Variants in LRP1B observed in about 807,000 individuals in gnomAD.
LRP1B encodes LDL receptor related protein 1B, also known as low-density lipoprotein receptor-related protein 1B.
LRP1B carries 217 observed loss-of-function variants against 556.6 expected under a neutral mutation model. The ratio of observed to expected loss-of-function variants is 0.39; its 90% confidence interval spans 0.35 to 0.44. LRP1B has a LOEUF of 0.44. LRP1B is among the 20% of genes least tolerant of loss of function. The pLI is 1.00. For synonymous variants in LRP1B, 2,047 were observed against 1,865.8 expected (o/e 1.10, Z -2.50); for missense variants, 5,053 against 5,620.8 (o/e 0.90, Z 3.23).
Position 140,997,691 on chromosome 2 carries a change from ATTTG to A in LRP1B, c.2504-3560_2504-3557del, listed in dbSNP as rs922265774. On this transcript the variant is annotated intron_variant, in intron 15 of 90. Transcript: ENST00000389484. Reference sequence around the variant, plus strand: ...TTCTGCTTATCTAATATTGAGAAATATTTGTTTGTTTATTTCTTCATTTTGGGCA... The same window carrying A: ...TTCTGCTTATCTAATATTGAGAAATATTTGTTTATTTCTTCATTTTGGGCA... Among the ~76,000 whole-genome samples the A allele has an allele frequency of 4.8e-4, 73 of 152,076 alleles. 1 individual carries two copies. The highest frequency in any genetic ancestry group is 1.4e-3 in the African/African-American group (59 of 41,542).
chr2:140,532,825 ACT>A (rs1037110613), intron 47 of LRP1B, among the ~76,000 whole-genome samples: 2 of 151,536 alleles, frequency 1.3e-5, no homozygotes, highest in African/African-American at 4.9e-5. Flanking sequence ...TTAGTTTAAG[ACT>A]CAGTTTAAAT....
intron 3 of LRP1B, among the ~76,000 whole-genome samples, chr2:141,255,545 A>G (rs1684428720): frequency 6.6e-6 from 1 of 152,110 alleles, no homozygotes; most frequent in South Asian, 2.1e-4. Context: ...AACATTGGGT[A>G]TTGTATTATA....
chr2:141,066,194 GTTCT>G, intron 7 of LRP1B, among the ~76,000 whole-genome samples: 1 of 151,946 alleles, frequency 6.6e-6, no homozygotes, highest in African/African-American at 2.4e-5. Flanking sequence ...TATTCATCCT[GTTCT>G]TTATTTTCAT....
chr2:141,113,197 C>A (rs1447936862), intron 7 of LRP1B, among the ~76,000 whole-genome samples: 4 of 152,046 alleles, frequency 2.6e-5, no homozygotes, highest in Non-Finnish European at 5.9e-5. Context: ...AAATAGGAAG[C>A]AAGAAATTGC....
At chr2:141,900,694 A>T (rs1248609919) in intron 1 of LRP1B, among the ~76,000 whole-genome samples, 1 of 152,048 alleles carries the variant, frequency 6.6e-6, no homozygotes, top group Non-Finnish European at 1.5e-5. Context: ...CAAATTAAAG[A>T]TTCTTCAATT....
chr2:140,954,411 TATA>T (rs1695813883), intron 18 of LRP1B, among the ~76,000 whole-genome samples: 2 of 152,104 alleles, frequency 1.3e-5, no homozygotes, highest in Admixed American at 1.3e-4. Flanking sequence ...TTTTTGACTC[TATA>T]ATAAGCTAAT....
chr2:140,594,624 A>G (rs2105176614), intron 43 of LRP1B, among the ~76,000 whole-genome samples: 1 of 152,314 alleles, frequency 6.6e-6, no homozygotes, highest in African/African-American at 2.4e-5. Flanking sequence ...TTCTCATTAA[A>G]GATACACTGT....
intron 3 of LRP1B, among the ~76,000 whole-genome samples, chr2:141,319,038 A>G (rs17602785): frequency 0.079 from 12,041 of 152,140 alleles, 499 homozygotes; most frequent in South Asian, 0.12. Flanking sequence ...AAGTCTTCCA[A>G]TTGTAAGAGA....
intron 7 of LRP1B, among the ~76,000 whole-genome samples, chr2:141,081,690 C>T (rs1330871314): frequency 1.1e-5 from 1 of 87,356 alleles, no homozygotes; most frequent in Non-Finnish European, 2.5e-5. Context: ...AGCCAATAAA[C>T]TCTATTAATA....
At chr2:140,373,423 T>C (rs977304772) in intron 68 of LRP1B, among the ~76,000 whole-genome samples, 3 of 152,082 alleles carry the variant, frequency 2.0e-5, no homozygotes, top group Non-Finnish European at 4.4e-5. Context: ...CCCATGAATA[T>C]ACAACAGAAT....
At chr2:141,044,811 C>T (rs1320473906) in intron 11 of LRP1B, among the ~76,000 whole-genome samples, 1 of 150,100 alleles carries the variant, frequency 6.7e-6, no homozygotes, top group Non-Finnish European at 1.5e-5. Flanking sequence ...AACACTTTTA[C>T]ACTGTTGGTG....
At chr2:141,332,724 TTA>T (rs970517496) in intron 3 of LRP1B, among the ~76,000 whole-genome samples, 1 of 138,936 alleles carries the variant, frequency 7.2e-6, no homozygotes. Context: ...CCTTATTTTT[TTA>T]TATATATATA....
At chr2:141,881,003 C>T (rs189225722) in intron 1 of LRP1B, among the ~76,000 whole-genome samples, 192 of 152,124 alleles carry the variant, frequency 1.3e-3, no homozygotes, top group Middle Eastern at 6.8e-3. Flanking sequence ...GTACAGTGGG[C>T]ATGACGTTGT....
chr2:141,473,338 G>A (rs1254002131), intron 3 of LRP1B, among the ~76,000 whole-genome samples: 1 of 152,138 alleles, frequency 6.6e-6, no homozygotes, highest in Non-Finnish European at 1.5e-5. Flanking sequence ...CTAATTTCAT[G>A]TAGGTGTCAT....
intron 2 of LRP1B, among the ~76,000 whole-genome samples, chr2:141,507,878 G>T (rs1683987240): frequency 6.6e-6 from 1 of 151,914 alleles, no homozygotes; most frequent in Non-Finnish European, 1.5e-5. Context: ...CTGAGGTCAG[G>T]AGTTCAAGTC....
intron 7 of LRP1B, among the ~76,000 whole-genome samples, chr2:141,179,767 G>A (rs1044186169): frequency 6.6e-6 from 1 of 151,732 alleles, no homozygotes; most frequent in African/African-American, 2.4e-5. Flanking sequence ...CCAAATTCTT[G>A]CAAGTCAAAC....
chr2:140,956,516 G>A (rs1251429467), intron 18 of LRP1B, among the ~76,000 whole-genome samples: 1 of 151,686 alleles, frequency 6.6e-6, no homozygotes, highest in Non-Finnish European at 1.5e-5. Context: ...TGCTTTTAAA[G>A]ATTACACATT....
intron 2 of LRP1B, among the ~76,000 whole-genome samples, chr2:141,754,998 T>TTATATA (rs368911650): frequency 0.012 from 1,862 of 151,950 alleles, 38 homozygotes; most frequent in African/African-American, 0.043. Flanking sequence ...TGCTATCCTC[T>TTATATA]TATATATATA....
chr2:141,961,378 T>C (rs113291884), intron 1 of LRP1B, among the ~76,000 whole-genome samples: 5,639 of 151,798 alleles, frequency 0.037, 330 homozygotes, highest in African/African-American at 0.13. Context: ...AAAAGGTTCA[T>C]GATTGGTTTA....
Sources: gnomAD v4.1 joint callset for allele counts (sites outside exome capture counted in the v4.1 genomes callset) on GRCh38, gnomAD v4.1.1 for gene constraint, MANE v1.5 for transcripts, NCBI Gene and HGNC (gene_info 2026-07-23, HGNC 2026-07-21) for gene names.